VTI1A: variants seen among roughly 807,000 people sequenced by gnomAD.
The protein encoded by VTI1A is vesicle transport through interaction with t-SNAREs homolog 1A.
A neutral mutation model predicts 34.9 loss-of-function variants in VTI1A; 22 were observed. That is an observed-to-expected ratio of 0.63 (90% CI 0.45 to 0.90). The LOEUF is 0.90. Among genes scored for constraint, VTI1A ranks in the 40% least tolerant of loss-of-function variants. The pLI is 0.00. For missense variants in VTI1A, 268 were observed against 275.6 expected (o/e 0.97, Z 0.20); for synonymous variants, 87 against 97.3 (o/e 0.89, Z 0.62).
intron 2 of VTI1A, 131 bp from the exon 3 acceptor site, chr10:112,464,416 C>A (rs1847830200): frequency 1.4e-6 from 1 of 706,086 alleles, no homozygotes; most frequent in Non-Finnish European, 2.3e-6. Context: ...GTTATTTGAT[C>A]ATTCAGCACC....
At chr10:112,546,090 A>ATGTGTGTATATACGTGTATACACGTG (rs1564821550) in intron 5 of VTI1A, among the ~76,000 whole-genome samples, 1 of 143,380 alleles carries the variant, frequency 7.0e-6, no homozygotes, top group Admixed American at 7.1e-5. Flanking sequence ...GTATACGCGT[A>ATGTGTGTATATACGTGTATACACGTG]TGTGTGTATA....
At chr10:112,624,125 T>C (rs1419966195) in intron 5 of VTI1A, among the ~76,000 whole-genome samples, 1 of 152,224 alleles carries the variant, frequency 6.6e-6, no homozygotes, top group East Asian at 1.9e-4. Flanking sequence ...TATAATATGT[T>C]GCTAATTAGC....
intron 7 of VTI1A, chr10:112,752,403 T>G: frequency 1.0e-6 from 1 of 985,418 alleles, no homozygotes; most frequent in Non-Finnish European, 1.2e-6. Flanking sequence ...AGAGCTGATA[T>G]CTCTTTACCG....
intron 7 of VTI1A, among the ~76,000 whole-genome samples, chr10:112,730,683 T>G (rs927347386): frequency 1.2e-4 from 19 of 152,120 alleles, no homozygotes; most frequent in Non-Finnish European, 2.8e-4. Flanking sequence ...TCTCTTTCCC[T>G]TTCCACTTTT....
At chr10:112,499,244 T>G (rs964353085) in intron 3 of VTI1A, among the ~76,000 whole-genome samples, 5 of 152,168 alleles carry the variant, frequency 3.3e-5, no homozygotes, top group African/African-American at 1.2e-4. Context: ...GTTTCTGAGG[T>G]CTTTCTCCAG....
intron 5 of VTI1A, among the ~76,000 whole-genome samples, chr10:112,601,595 G>T (rs564835989): frequency 5.3e-5 from 8 of 152,170 alleles, no homozygotes; most frequent in Non-Finnish European, 8.8e-5. Context: ...CTAGGAAGTA[G>T]GTTTGTCCTG....
chr10:112,656,233 A>G (rs1368215672), intron 5 of VTI1A, among the ~76,000 whole-genome samples: 1 of 152,112 alleles, frequency 6.6e-6, no homozygotes, highest in East Asian at 1.9e-4. Context: ...TTGATTGACA[A>G]TACCTGCCAG....
At chr10:112,540,397 A>T (rs1248450980) in intron 5 of VTI1A, among the ~76,000 whole-genome samples, 1 of 152,224 alleles carries the variant, frequency 6.6e-6, no homozygotes, top group Non-Finnish European at 1.5e-5. Flanking sequence ...ATGAAGTGTT[A>T]TAAAATTAGA....
chr10:112,758,965 G>A (rs1257845787), intron 7 of VTI1A, among the ~76,000 whole-genome samples: 1 of 152,200 alleles, frequency 6.6e-6, no homozygotes, highest in African/African-American at 2.4e-5. Context: ...AACGATATGA[G>A]CCTTTTATCT....
intron 7 of VTI1A, among the ~76,000 whole-genome samples, chr10:112,700,117 C>CAAAAAAAAAAA (rs1201699870): frequency 2.5e-5 from 1 of 40,432 alleles, no homozygotes; most frequent in African/African-American, 6.8e-5. Context: ...GACTCCATCT[C>CAAAAAAAAAAA]AAAAAAAAAA....
chr10:112,852,424 A>C, the VTI1A span, among the ~76,000 whole-genome samples: 1 of 152,096 alleles, frequency 6.6e-6, no homozygotes, highest in African/African-American at 2.4e-5. Context: ...TTCACTTCCC[A>C]ATTCTCTGCC....
At chr10:112,610,713 G>A (rs1329997363) in intron 5 of VTI1A, among the ~76,000 whole-genome samples, 2 of 151,952 alleles carry the variant, frequency 1.3e-5, no homozygotes, top group African/African-American at 4.8e-5. Context: ...TCAGGAGATT[G>A]AGACCATCCT....
chr10:112,559,983 A>C (rs1052989681), intron 5 of VTI1A, among the ~76,000 whole-genome samples: 4 of 152,220 alleles, frequency 2.6e-5, no homozygotes, highest in African/African-American at 9.7e-5. Context: ...AAAAACATGC[A>C]TCCTGCTTTT....
rs957751054 is a variant in VTI1A, at chr10:112,500,458, G to GA, written c.265-26619dup. 1.7e-4 allele frequency among the ~76,000 whole-genome samples: 25 copies of GA among 145,694 alleles called. No homozygotes were observed. In the South Asian group the frequency reaches 2.2e-3, roughly 13 times the overall value. On this transcript the variant is annotated intron_variant, in intron 3 of 7. Coordinates refer to ENST00000393077, the MANE Select transcript of VTI1A (RefSeq NM_145206.4). ...AAAAAAGAAAAAAAAGAAAAGAAAAGAAAAAAAAAAGAAAATTGTTGCCAA... is the reference window on the plus strand; with the variant it reads ...AAAAAAGAAAAAAAAGAAAAGAAAAGAAAAAAAAAAAGAAAATTGTTGCCAA...
chr10:112,651,728 G>C (rs892500544), intron 5 of VTI1A, among the ~76,000 whole-genome samples: 1 of 152,116 alleles, frequency 6.6e-6, no homozygotes, highest in Admixed American at 6.5e-5. Context: ...ATACACTTTC[G>C]GTGTGTCAGG....
At chr10:112,558,570 T>G (rs1343115761) in intron 5 of VTI1A, among the ~76,000 whole-genome samples, 1 of 152,206 alleles carries the variant, frequency 6.6e-6, no homozygotes, top group African/African-American at 2.4e-5. Flanking sequence ...CATTAAGAAT[T>G]GATCTGAACC....
At chr10:112,787,121 T>A (rs1298648045) in intron 7 of VTI1A, among the ~76,000 whole-genome samples, 2 of 152,134 alleles carry the variant, frequency 1.3e-5, no homozygotes, top group Non-Finnish European at 2.9e-5. Context: ...TTTTCTTGAG[T>A]CAGTTTTGGT....
intron 3 of VTI1A, among the ~76,000 whole-genome samples, chr10:112,518,130 G>A (rs547698986): frequency 1.4e-3 from 208 of 152,116 alleles, no homozygotes; most frequent in African/African-American, 4.8e-3. Flanking sequence ...AAGACCTGCA[G>A]AGTGGTAGGA....
intron 4 of VTI1A, among the ~76,000 whole-genome samples, chr10:112,533,824 G>A (rs570252831): frequency 5.1e-4 from 77 of 152,076 alleles, no homozygotes; most frequent in Middle Eastern, 3.4e-3. Flanking sequence ...AATAATAAAG[G>A]AATATCTTAA....
Sources: gnomAD v4.1 joint callset for allele counts (sites outside exome capture counted in the v4.1 genomes callset) on GRCh38, gnomAD v4.1.1 for gene constraint, MANE v1.5 for transcripts, NCBI Gene and HGNC (gene_info 2026-07-23, HGNC 2026-07-21) for gene names.